Variants in ADGRV1 observed in about 807,000 individuals in gnomAD.
ADGRV1 encodes the protein adhesion G protein-coupled receptor V1, also known as G-protein coupled receptor 98.
A neutral mutation model predicts 596.2 loss-of-function variants in ADGRV1; 359 were observed. The observed-to-expected ratio is 0.60, with a 90% CI of 0.55 to 0.66. ADGRV1 has a LOEUF of 0.66. Ranked by LOEUF, ADGRV1 falls within the 30% of genes least tolerant of loss-of-function variation. ADGRV1 has a pLI of 0.00. For synonymous variants in ADGRV1, 2,681 were observed against 2,679.2 expected, an observed-to-expected ratio of 1.00 and a Z score of -0.02; for missense variants, 7,274 against 7,575.6, an observed-to-expected ratio of 0.96 and a Z score of 1.48.
chr5:90,774,489 G>T (rs1758014302), intron 60 of ADGRV1, among the ~76,000 whole-genome samples, 186 bp downstream of exon 60: 1 of 152,088 alleles, frequency 6.6e-6, no homozygotes, highest in Non-Finnish European at 1.5e-5. Context: ...CCCAATCTTG[G>T]TAAGGTCATA....
At chr5:91,154,594 T>C (rs997122769) in intron 89 of ADGRV1, among the ~76,000 whole-genome samples, 3 of 152,242 alleles carry the variant, frequency 2.0e-5, no homozygotes, top group African/African-American at 7.2e-5. Flanking sequence ...TGGCACATCC[T>C]ATCTGTATTA....
Position 90,687,735 on chromosome 5 carries a change from A to G in ADGRV1, c.6490+1740A>G, listed in dbSNP as rs540060521. ...ACAAAATCAATGTACAGAAGTCACAAGCACTCTTATACACCAATAACAGAC... is the reference window on the plus strand; with the variant it reads ...ACAAAATCAATGTACAGAAGTCACAGGCACTCTTATACACCAATAACAGAC... On this transcript the variant is annotated intron_variant, in intron 29 of 89. Transcript: ENST00000405460. Among the ~76,000 whole-genome samples, 10 of 152,300 alleles carry G rather than the reference A, an allele frequency of 6.6e-5. No homozygotes were observed. The South Asian group carries it at 1.9e-3, about 28-fold the overall frequency.
At chr5:90,769,042 A>G (rs916470002) in intron 59 of ADGRV1, among the ~76,000 whole-genome samples, 1 of 152,148 alleles carries the variant, frequency 6.6e-6, no homozygotes, top group Non-Finnish European at 1.5e-5. Flanking sequence ...GTCATTGTGT[A>G]TGGACCATGC....
At chr5:90,908,114 G>A (rs1772492920) in intron 83 of ADGRV1, among the ~76,000 whole-genome samples, 1 of 152,152 alleles carries the variant, frequency 6.6e-6, no homozygotes, top group Non-Finnish European at 1.5e-5. Context: ...GCCTCCCAAA[G>A]TGCTGAGATT....
In ADGRV1 at chr5:90,651,724, C is replaced by T. The variant is rs1450298819; in HGVS notation, c.3410C>T (p.Ala1137Val). The change falls in exon 18 of 90, where the codon GCA becomes GTA. Residue 1137 changes from alanine (A) to valine (V), a missense_variant. Ala to Val is a moderately conservative substitution (Grantham distance 64, BLOSUM62 0). Transcript: ENST00000405460. ...DKAVEEGKTN[A>V]FWILRHRGYF... is the part of the protein sequence containing the mutation. ...GCAGTGGAAGAAGGAAAGACTAATG[C>T]ATTTTGGTAAGCATATGTAGATAAG... is the stretch of plus-strand genomic sequence containing the variant. The T allele has an allele frequency of 1.9e-6, 3 of 1,608,108 alleles. No individual in the cohort carries two copies. Among genetic ancestry groups the T allele is most frequent in the Non-Finnish European group, 2.6e-6 (3 of 1,175,472 alleles).
intron 86 of ADGRV1, among the ~76,000 whole-genome samples, chr5:91,085,267 A>G (rs1789766159): frequency 1.3e-5 from 2 of 152,146 alleles, no homozygotes; most frequent in African/African-American, 2.4e-5. Context: ...TATATATAGA[A>G]AAAAGGAAAT....
chr5:90,860,883 G>C (rs746858964), intron 82 of ADGRV1, among the ~76,000 whole-genome samples: 33 of 152,094 alleles, frequency 2.2e-4, no homozygotes, highest in Non-Finnish European at 3.5e-4. Context: ...ACTAATACTT[G>C]TCTTGTGAAA....
chr5:90,882,160 G>C (rs1209006991), intron 83 of ADGRV1, among the ~76,000 whole-genome samples: 8 of 152,106 alleles, frequency 5.3e-5, no homozygotes, highest in Admixed American at 1.3e-4. Flanking sequence ...CCTTCAAACA[G>C]AAAGTTATCT....
chr5:90,988,305 A>G (rs916499834), intron 85 of ADGRV1, among the ~76,000 whole-genome samples: 1 of 152,208 alleles, frequency 6.6e-6, no homozygotes, highest in Non-Finnish European at 1.5e-5. Context: ...GATTTTATAG[A>G]TAGTGTGCAT....
In ADGRV1 at chr5:90,706,401, C is replaced by T; in HGVS notation, c.8730+7C>T. On this transcript the variant is annotated splice_region_variant and intron_variant, in intron 38 of 89. Transcript: ENST00000405460. ...CAACATTACCATTCTTGAGGTAAAACTCTTTTTTTTTTTTAATCTTAGGGG... is the reference window on the plus strand; with the variant it reads ...CAACATTACCATTCTTGAGGTAAAATTCTTTTTTTTTTTTAATCTTAGGGG... The T allele has an allele frequency of 2.7e-6, 4 of 1,465,578 alleles. No individual in the cohort carries two copies. Among genetic ancestry groups the T allele is most frequent in the East Asian group, 2.7e-5 (1 of 36,938 alleles). 90.8% of individuals were successfully genotyped at this position (1,465,578 alleles called of 1,614,324 possible). A position where few individuals can be genotyped will look rare whatever the true frequency, so the allele number is the denominator to read the frequency against.
At chr5:91,025,018 T>C (rs1783910367) in intron 85 of ADGRV1, among the ~76,000 whole-genome samples, 2 of 152,148 alleles carry the variant, frequency 1.3e-5, no homozygotes, top group African/African-American at 4.8e-5. Flanking sequence ...GAGCTCTCTT[T>C]AGACTAGGAA....
intron 86 of ADGRV1, among the ~76,000 whole-genome samples, chr5:91,092,049 T>C (rs1380088358): frequency 6.6e-6 from 1 of 152,158 alleles, no homozygotes; most frequent in African/African-American, 2.4e-5. Flanking sequence ...CAGTAAGTGC[T>C]ATGAAGAAAC....
chr5:90,903,006 TA>T (rs1771990416), intron 83 of ADGRV1, among the ~76,000 whole-genome samples: 1 of 152,140 alleles, frequency 6.6e-6, no homozygotes, highest in Admixed American at 6.6e-5. Context: ...GGTAGTAATC[TA>T]AAATTTTCAT....
chr5:90,559,220 G>T (rs1261853306), intron 1 of ADGRV1, among the ~76,000 whole-genome samples: 1 of 152,154 alleles, frequency 6.6e-6, no homozygotes, highest in Admixed American at 6.5e-5. Context: ...GCAGAGTGAA[G>T]AGTTTATTTT....
intron 21 of ADGRV1, among the ~76,000 whole-genome samples, chr5:90,668,543 T>C (rs555208827): frequency 1.3e-5 from 2 of 149,222 alleles, no homozygotes; most frequent in Non-Finnish European, 3.0e-5. Flanking sequence ...CTGGTACCTC[T>C]GATGGAAATG....
At chr5:90,784,250 G>A (rs1043189214) in intron 67 of ADGRV1, among the ~76,000 whole-genome samples, 193 bp downstream of exon 67, 15 of 152,084 alleles carry the variant, frequency 9.9e-5, no homozygotes, top group African/African-American at 3.4e-4. Flanking sequence ...TGTCCTCAGG[G>A]AACCTTGAGG....
At position 90,686,012 on chromosome 5, in the gene ADGRV1, A is replaced by C; in HGVS notation, c.6490+17A>C. 1 of 1,525,498 alleles carries C rather than the reference A, an allele frequency of 6.6e-7. No individual in the cohort carries two copies. The highest frequency in any genetic ancestry group is 2.4e-5 in the East Asian group (1 of 42,452). 94.5% of individuals were successfully genotyped at this position (1,525,498 alleles called of 1,614,324 possible). A position where few individuals can be genotyped will look rare whatever the true frequency, so the allele number is the denominator to read the frequency against. On this transcript the variant is annotated intron_variant, in intron 29 of 89. Transcript: ENST00000405460. ...CAATAGCTGGTAAGAAAAGACATCT[A>C]AAAAGCAGTACATACAGAGGGATGT...
intron 85 of ADGRV1, among the ~76,000 whole-genome samples, chr5:91,009,083 T>C (rs1027361904): frequency 1.3e-5 from 2 of 152,150 alleles, no homozygotes; most frequent in African/African-American, 4.8e-5. Flanking sequence ...ATCTCTTCAA[T>C]TCATAAAAAT....
intron 71 of ADGRV1, among the ~76,000 whole-genome samples, chr5:90,803,576 T>G (rs1761609558): frequency 6.6e-6 from 1 of 152,126 alleles, no homozygotes; most frequent in Non-Finnish European, 1.5e-5. Context: ...TCTGTACAGA[T>G]GAATGGGCAG....
Sources: allele counts gnomAD v4.1 joint callset (sites outside exome capture counted in the v4.1 genomes callset), GRCh38; gene constraint gnomAD v4.1.1; transcripts MANE v1.5; gene names NCBI Gene and HGNC (gene_info 2026-07-23, HGNC 2026-07-21).